The following ZDHHC15 variants were observed in gnomAD, a reference collection of about 807,000 sequenced individuals.
ZDHHC15 encodes the protein palmitoyltransferase ZDHHC15.
A neutral mutation model predicts 31.7 loss-of-function variants in ZDHHC15; 19 were observed. The ratio of observed to expected loss-of-function variants is 0.60; its 90% CI spans 0.42 to 0.88. ZDHHC15 has a LOEUF of 0.88. Ranked by LOEUF, ZDHHC15 falls within the 40% of genes least tolerant of loss-of-function variation. The pLI, the probability that ZDHHC15 is intolerant of heterozygous loss-of-function variation, is 0.00. For synonymous variants in ZDHHC15, 103 were observed against 90.0 expected, an observed-to-expected ratio of 1.14 and a Z score of -0.82; for missense variants, 209 against 251.2, an observed-to-expected ratio of 0.83 and a Z score of 1.14.
intron 5 of ZDHHC15, 56 bp downstream of exon 5, chrX:75,431,395 T>C: frequency 1.8e-6 from 2 of 1,107,405 alleles, no homozygotes; most frequent in Non-Finnish European, 1.2e-6. Flanking sequence ...CATTTTGTTG[T>C]CTAGGAAACC....
At chrX:75,501,857 C>T (rs1300733318) in intron 2 of ZDHHC15, 1 of 111,266 alleles carries the variant, frequency 9.0e-6, no homozygotes, top group African/African-American at 3.3e-5. Flanking sequence ...TTTTCAAGTG[C>T]ATAGTTTGCA....
chrX:75,417,194 A>G lies in ZDHHC15; in HGVS notation c.864-4T>C. The G allele has an allele frequency of 8.5e-7, 1 of 1,174,772 alleles. No individual in the cohort carries two copies. ...GAAGGAGTGTCCATCACCAGGGCTG[A>G]TGGGAAAAGAAAGGCAGTGACCTAT... On this transcript the variant is annotated splice_polypyrimidine_tract_variant and splice_region_variant and intron_variant, in intron 9 of 11. Transcript: ENST00000373367.
At chrX:75,384,407 A>C (rs2083157629) in intron 10 of ZDHHC15, 1 of 1,003,447 alleles carries the variant, frequency 1.0e-6, no homozygotes, top group Non-Finnish European at 1.4e-6. Context: ...CCTTTTAGAA[A>C]ACATGGAGTT....
chrX:75,437,549 T>C (rs1351534483), intron 4 of ZDHHC15, among the ~76,000 whole-genome samples: 2 of 98,273 alleles, frequency 2.0e-5, no homozygotes, highest in East Asian at 3.3e-4. Flanking sequence ...TGGTTTTTTG[T>C]TCTTGCGATA....
chrX:75,506,711 C>A (rs2085170266), intron 1 of ZDHHC15, among the ~76,000 whole-genome samples: 1 of 112,342 alleles, frequency 8.9e-6, no homozygotes, highest in South Asian at 3.7e-4. Flanking sequence ...CCTGGGACTT[C>A]ATGATTTTGT....
At chrX:75,409,318 C>A (rs1357824868) in intron 10 of ZDHHC15, among the ~76,000 whole-genome samples, 1 of 108,927 alleles carries the variant, frequency 9.2e-6, no homozygotes, top group Non-Finnish European at 1.9e-5. Context: ...ATGGCAAGAC[C>A]CTGTCTCTAC....
intron 2 of ZDHHC15, among the ~76,000 whole-genome samples, chrX:75,479,763 T>C (rs909471256): frequency 2.7e-5 from 3 of 111,832 alleles, no homozygotes; most frequent in African/African-American, 9.7e-5. Flanking sequence ...ACATGAGGTA[T>C]TTGTCTTTCT....
chrX:75,479,415 T>G (rs761103815), intron 2 of ZDHHC15, among the ~76,000 whole-genome samples: 1 of 112,308 alleles, frequency 8.9e-6, no homozygotes, highest in African/African-American at 3.2e-5. Context: ...AAGATAGGGA[T>G]AGTCGATTAA....
chrX:75,461,298 C>A (rs940585089), intron 3 of ZDHHC15, among the ~76,000 whole-genome samples: 2 of 111,376 alleles, frequency 1.8e-5, no homozygotes, highest in African/African-American at 3.3e-5. Flanking sequence ...AGAGAGCAAA[C>A]CTACAACTGA....
chrX:75,502,229 G>A (rs915315667), intron 2 of ZDHHC15: 2 of 111,433 alleles, frequency 1.8e-5, no homozygotes, highest in East Asian at 5.7e-4. Context: ...TCTTCACATG[G>A]TCTTCCTTCT....
chrX:75,485,609 C>T (rs1438329016), intron 2 of ZDHHC15, among the ~76,000 whole-genome samples: 1 of 111,283 alleles, frequency 9.0e-6, no homozygotes, highest in African/African-American at 3.3e-5. Context: ...GAGGTCCAGC[C>T]CAGCCCACTG....
At chrX:75,378,509 C>T (rs1163601687) in intron 11 of ZDHHC15, among the ~76,000 whole-genome samples, 2 of 111,885 alleles carry the variant, frequency 1.8e-5, no homozygotes, top group South Asian at 7.5e-4. Context: ...CCGATCAGAG[C>T]TATAAGCTCT....
At chrX:75,472,250 G>C (rs1244010060) in intron 3 of ZDHHC15, among the ~76,000 whole-genome samples, 2 of 111,371 alleles carry the variant, frequency 1.8e-5, no homozygotes, top group African/African-American at 6.5e-5. Context: ...GAGATTACTA[G>C]GGCCTGGTTC....
At chrX:75,437,072 G>A (rs1205460638) in intron 4 of ZDHHC15, among the ~76,000 whole-genome samples, 2 of 109,806 alleles carry the variant, frequency 1.8e-5, no homozygotes, top group Non-Finnish European at 3.8e-5. Context: ...TAGTAGAGAT[G>A]GGGTTTCACC....
chrX:75,384,269 G>A (rs1398269064), intron 10 of ZDHHC15: 3 of 527,632 alleles, frequency 5.7e-6, no homozygotes, highest in African/African-American at 4.6e-5. Context: ...TATAGGCCAA[G>A]GTATCTTGAA....
chrX:75,508,799 T>A (rs761200489), intron 1 of ZDHHC15, among the ~76,000 whole-genome samples: 1 of 111,002 alleles, frequency 9.0e-6, no homozygotes, highest in East Asian at 2.8e-4. Context: ...CCACATCCTC[T>A]CCAGCACCTG....
intron 2 of ZDHHC15, among the ~76,000 whole-genome samples, chrX:75,485,973 C>T (rs1249439574): frequency 8.9e-6 from 1 of 111,966 alleles, no homozygotes; most frequent in African/African-American, 3.2e-5. Flanking sequence ...ACAGACAGAA[C>T]AGCATCTGGT....
At chrX:75,473,038 G>T (rs35367252) in intron 3 of ZDHHC15, among the ~76,000 whole-genome samples, 26 of 111,818 alleles carry the variant, frequency 2.3e-4, no homozygotes, top group Non-Finnish European at 4.5e-4. Context: ...TACAATACAT[G>T]GACTCATGGA....
intron 10 of ZDHHC15, among the ~76,000 whole-genome samples, chrX:75,402,928 C>A (rs2147798237): frequency 9.1e-6 from 1 of 110,491 alleles, no homozygotes; most frequent in South Asian, 3.9e-4. Flanking sequence ...ACAACAATAG[C>A]CACAACAACA....
Sources: gnomAD v4.1 joint callset for allele counts (sites outside exome capture counted in the v4.1 genomes callset) on GRCh38, gnomAD v4.1.1 for gene constraint, MANE v1.5 for transcripts, NCBI Gene and HGNC (gene_info 2026-07-23, HGNC 2026-07-21) for gene names.